The following LTK variants were observed in gnomAD, a reference collection of about 807,000 sequenced individuals.
The protein encoded by LTK is leukocyte tyrosine kinase receptor.
In LTK, 117 loss-of-function variants were observed where a neutral mutation model predicts 101.5. That is an observed-to-expected ratio of 1.15 (90% CI 0.99 to 1.34). The LOEUF is 1.34. Ranked by LOEUF, LTK falls within the 40% of genes most tolerant of loss-of-function variation. The probability of loss-of-function intolerance (pLI) is 0.00; values close to 1 mark genes in which losing one functional copy is unlikely to be tolerated. For missense variants in LTK, 1,252 were observed against 1,164.7 expected (o/e 1.07, Z -1.09); for synonymous variants, 563 against 494.2 (o/e 1.14, Z -1.85).
At chr15:41,509,910 T>G (rs1484673240) in intron 7 of LTK, among the ~76,000 whole-genome samples, 1 of 152,218 alleles carries the variant, frequency 6.6e-6, no homozygotes, top group Non-Finnish European at 1.5e-5. Flanking sequence ...TTGAAATATG[T>G]ACACACTGTG....
In LTK at chr15:41,507,075, G is replaced by C; in HGVS notation, c.1541+20C>G. On this transcript the variant is annotated intron_variant, in intron 11 of 19. Transcript: ENST00000263800. ...GGGATTCAGAGTGCATAGGTTCTCA[G>C]AAGGAGGCAGAAGACTTACCTGAGC... The C allele has an allele frequency of 6.2e-7, 1 of 1,602,488 alleles. No individual in the cohort carries two copies. Among genetic ancestry groups the C allele is most frequent in the Non-Finnish European group, 8.5e-7 (1 of 1,175,844 alleles).
At chr15:41,506,411 T>C (rs1483220776) in intron 11 of LTK, among the ~76,000 whole-genome samples, 1 of 152,028 alleles carries the variant, frequency 6.6e-6, no homozygotes, top group Non-Finnish European at 1.5e-5. Flanking sequence ...TTCAAGTGAT[T>C]CTCCTGCCTC....
rs1369041992 is a variant in LTK, at chr15:41,504,874, C to T, written c.2019G>A (p.Arg673=). 30 of 1,611,536 alleles carry T rather than the reference C, an allele frequency of 1.9e-5. No homozygotes were observed. Among genetic ancestry groups the T allele is most frequent in the Non-Finnish European group, 2.3e-5 (27 of 1,179,044 alleles). Residue 673 remains arginine, a splice_region_variant and synonymous_variant, in exon 17 of 20, where the codon CGG becomes CGA. Coordinates refer to ENST00000263800, the MANE Select transcript of LTK (RefSeq NM_002344.6). The part of the protein sequence containing the change: ...GDFGMARDIY[R]ASYYRRGDRA... ...GGTCCCCCCTGCGGTAATAACTGGC[C>T]CTACAGGAGGGAGGAGGTGAATGAT...
chr15:41,505,864 T>C (rs1303917322), intron 12 of LTK, 51 bp downstream of exon 12: 9 of 1,599,470 alleles, frequency 5.6e-6, no homozygotes, highest in Non-Finnish European at 7.7e-6. Flanking sequence ...TGTCCTTCCC[T>C]TCAGGGTGTT....
In LTK at chr15:41,512,229, G is replaced by A; in HGVS notation, c.396C>T (p.Ala132=). Residue 132 remains alanine, a synonymous_variant, in exon 4 of 20, where the codon GCC becomes GCT. Transcript: ENST00000263800. ...SAYGAAGGKG[A]KNHLSRAHGV... is the part of the protein sequence containing the mutation. ...CATGCGCCCGCGACAGGTGGTTCTT[G>A]GCGCCTTTGCCGCCCGCGGCTCCGT... 1.2e-6 allele frequency: 2 copies of A among 1,613,018 alleles called. No individual in the cohort carries two copies. The highest frequency in any genetic ancestry group is 2.2e-5 in the South Asian group (2 of 91,046).
chr15:41,508,794 G>T (rs181074842), intron 8 of LTK, among the ~76,000 whole-genome samples: 1 of 152,270 alleles, frequency 6.6e-6, no homozygotes, highest in East Asian at 1.9e-4. Flanking sequence ...TTGCCATCCA[G>T]CACGACTGGC....
chr15:41,509,399 A>G (rs2051384490), intron 7 of LTK, among the ~76,000 whole-genome samples: 1 of 152,112 alleles, frequency 6.6e-6, no homozygotes, highest in Non-Finnish European at 1.5e-5. Flanking sequence ...AATGTAGATC[A>G]TGTGTGTATG....
Position 41,505,210 on chromosome 15 carries a change from G to C in LTK, c.1923C>G (p.His641Gln). 1 of 1,613,878 alleles carries C rather than the reference G, an allele frequency of 6.2e-7. No homozygotes were observed. The highest frequency in any genetic ancestry group is 8.5e-7 in the Non-Finnish European group (1 of 1,179,822). The change falls in exon 15 of 20, where the codon CAC (histidine) becomes CAG (glutamine). Residue 641 changes from histidine (H) to glutamine (Q), a missense_variant and splice_region_variant. Physicochemically the swap from His to Gln is conservative, Grantham distance 24 (BLOSUM62 0). Transcript: ENST00000263800. Reference protein sequence around the residue: ...CHYLEENHFIHRDIAARNCLL... With the variant: ...CHYLEENHFIQRDIAARNCLL... ...CCTGAGCCAGGACTGCTCCTAACCTGTGGATGAAGTGATTTTCCTCCAGGT... is the reference window on the plus strand; with the variant it reads ...CCTGAGCCAGGACTGCTCCTAACCTCTGGATGAAGTGATTTTCCTCCAGGT...
In LTK at chr15:41,513,101, G is replaced by A. The variant is rs1331818924; in HGVS notation, c.63C>T (p.Ser21=). The A allele has an allele frequency of 1.4e-5, 23 of 1,606,176 alleles. No individual in the cohort carries two copies. The highest frequency in any genetic ancestry group is 1.9e-5 in the Non-Finnish European group (22 of 1,177,004). The change falls in exon 2 of 20, where the codon AGC becomes AGT. Residue 21 remains serine, a synonymous_variant. Transcript: ENST00000263800. ...GCAGAAAAGTCTCCTGGGACCCCGG[G>A]CTAGAGCAGAGAATGGCGCCTGAAA... The part of the protein sequence containing the change: ...FGAAGAILCS[S]PGSQETFLRS...
chr15:41,505,612 T>C lies in LTK; in HGVS notation c.1698-82A>G. The C allele has an allele frequency of 1.9e-6, 3 of 1,606,046 alleles. No individual in the cohort carries two copies. In the East Asian group the frequency reaches 6.7e-5, roughly 36 times the overall value. ...AGGCTCCACAAAGCTGGAGAGGCCC[T>C]CTGTGTCCCCTGACTTGCTACCTCA... On this transcript the variant is annotated intron_variant, in intron 13 of 19. Transcript: ENST00000263800.
In LTK at chr15:41,505,035, C is replaced by G; in HGVS notation, c.1955G>C (p.Ser652Thr). The stretch of plus-strand genomic sequence containing the variant: ...GGCCACTCGGCTGGGTCCAGCGCAG[C>G]TCAGCAGGCAGTTCCGGGCGGCAAT... ...RDIAARNCLL[S>T]CAGPSRVAKI... Residue 652 changes from serine (S) to threonine (T), a missense_variant, in exon 16 of 20, where the codon AGC becomes ACC. By Grantham distance (58) the Ser-to-Thr change is moderately conservative. Coordinates refer to ENST00000263800, the MANE Select transcript of LTK (RefSeq NM_002344.6). The G allele has an allele frequency of 6.2e-7, 1 of 1,613,536 alleles. No individual in the cohort carries two copies. The highest frequency in any genetic ancestry group is 8.5e-7 in the Non-Finnish European group (1 of 1,179,682).
rs1265406581 is a variant in LTK at position 41,511,355 on chromosome 15, C to G, written c.815-9G>C. On this transcript the variant is annotated splice_polypyrimidine_tract_variant and intron_variant, in intron 6 of 19. Transcript: ENST00000263800. This position sits in a 1 kb window ranked among gnomAD's most constrained non-coding sequence, Gnocchi z 5.9. ...CCAGCCGCCCCCACCACCTGCAGAG[C>G]GACAGCAGGAAGGTTGGCAGCCACA... 9 of 1,358,576 alleles carry G rather than the reference C, an allele frequency of 6.6e-6. No individual in the cohort carries two copies. Among genetic ancestry groups the G allele is most frequent in the Non-Finnish European group, 8.5e-6 (9 of 1,063,290 alleles). The allele number at this position is 1,358,576 out of a possible 1,614,324, so 84.2% of individuals were successfully genotyped here.
rs539394592 is a variant in LTK at position 41,505,100 on chromosome 15, T to C, written c.1926-36A>G. 8 of 1,588,870 alleles carry C rather than the reference T, an allele frequency of 5.0e-6. No homozygotes were observed. In the African/African-American group the frequency reaches 9.4e-5, roughly 19 times the overall value. On this transcript the variant is annotated intron_variant, in intron 15 of 19. Coordinates refer to ENST00000263800, the MANE Select transcript of LTK (RefSeq NM_002344.6). ...GGCAAAAAAAATCACTGCCAGAATC[T>C]AGAAGTTCTTGCTCTTCCTGATCTA... is the stretch of plus-strand genomic sequence containing the variant.
At position 41,511,464 on chromosome 15, in the gene LTK, G is replaced by C; in HGVS notation, c.772C>G (p.Arg258Gly). 6.9e-7 allele frequency: 1 copy of C among 1,445,918 alleles called. No homozygotes were observed. 89.6% of individuals were successfully genotyped at this position (1,445,918 alleles called of 1,614,324 possible). ...CCGCCGCTCCCGGGCGCCTCCGAGCGGTTCTCCAGTTTCTCGGGGGAGGCC... is the reference window on the plus strand; with the variant it reads ...CCGCCGCTCCCGGGCGCCTCCGAGCCGTTCTCCAGTTTCTCGGGGGAGGCC... ...TQASPEKLEN[R>G]SEAPGSGGRG... The change falls in exon 6 of 20, where the codon CGC (arginine) becomes GGC (glycine). Residue 258 changes from arginine to glycine, a missense_variant. Transcript: ENST00000263800. This position sits in a 1 kb window ranked among gnomAD's most constrained non-coding sequence, Gnocchi z 5.9.
intron 19 of LTK, 30 bp downstream of exon 19, chr15:41,504,312 C>T (rs1355672774): frequency 6.2e-6 from 10 of 1,613,226 alleles, no homozygotes; most frequent in Non-Finnish European, 8.5e-6. Context: ...ACCCACAAGA[C>T]CAGGATGTTA....
chr15:41,513,821 G>T lies in LTK; in HGVS notation c.-112C>A, dbSNP rs531611976. The T allele has an allele frequency of 1.2e-4, 108 of 937,882 alleles. 1 individual carries two copies. In the South Asian group the frequency reaches 1.4e-3, roughly 12 times the overall value. 58.1% of individuals were successfully genotyped at this position (937,882 alleles called of 1,614,324 possible). ...GCAGCCCTGGCCACCACTTACAGGG[G>T]TGTGCTGCCGCTGGCGAGACACTCC... On this transcript the variant is annotated 5_prime_UTR_variant, in exon 1 of 20. Transcript: ENST00000263800.
intron 10 of LTK, 100 bp downstream of exon 10, chr15:41,507,462 G>A (rs1595462023): frequency 1.9e-6 from 3 of 1,556,248 alleles, no homozygotes; most frequent in Non-Finnish European, 2.6e-6. Context: ...CTGCTGCGGT[G>A]AGTGGTCTTG....
chr15:41,508,256 T>G (rs1252584398), intron 8 of LTK, 35 bp from the exon 9 acceptor site: 2 of 1,585,824 alleles, frequency 1.3e-6, no homozygotes, highest in Admixed American at 1.7e-5. Context: ...TATGGTGTGG[T>G]AGGGCTGGGA....
In LTK at chr15:41,509,055, C is replaced by T. The variant is rs765090633; in HGVS notation, c.1072G>A (p.Glu358Lys). Residue 358 changes from glutamate (E) to lysine (K), a missense_variant, in exon 8 of 20, where the codon GAG (glutamate) becomes AAG (lysine). Glu to Lys is a moderately conservative substitution (Grantham distance 56). Coordinates refer to ENST00000263800, the MANE Select transcript of LTK (RefSeq NM_002344.6). Reference protein sequence around the residue: ...DGVSFIHPSSELFLQPLAVTE... With the variant: ...DGVSFIHPSSKLFLQPLAVTE... ...CCTGCCAGAGGCTGCAGGAAGAGCT[C>T]GCTGCTGGGGTGTATGAAGGATACT... The T allele has an allele frequency of 4.3e-6, 7 of 1,609,808 alleles. No individual in the cohort carries two copies. Among genetic ancestry groups the T allele is most frequent in the South Asian group, 3.3e-5 (3 of 90,402 alleles).
Sources: allele counts gnomAD v4.1 joint callset (sites outside exome capture counted in the v4.1 genomes callset), GRCh38; gene constraint gnomAD v4.1.1; non-coding constraint Gnocchi (gnomAD v3.1); transcripts MANE v1.5; gene names NCBI Gene and HGNC (gene_info 2026-07-23, HGNC 2026-07-21).